The following EML6 variants were observed in gnomAD, a reference collection of about 807,000 sequenced individuals.
EML6 encodes the protein EMAP like 6.
EML6 carries 154 observed loss-of-function variants against 240.1 expected under a neutral mutation model. The ratio of observed to expected loss-of-function variants is 0.64; its 90% CI spans 0.56 to 0.73. The LOEUF (loss-of-function observed/expected upper bound fraction) is 0.73. Ranked by LOEUF, EML6 falls within the 30% of genes least tolerant of loss-of-function variation. EML6 has a pLI of 0.00. For synonymous variants in EML6, 1,148 were observed against 899.0 expected (o/e 1.28, Z -4.95); for missense variants, 2,964 against 2,474.6 (o/e 1.20, Z -4.20).
chr2:54,806,684 G>T (rs987394165), intron 2 of EML6, among the ~76,000 whole-genome samples: 1 of 148,256 alleles, frequency 6.7e-6, no homozygotes, highest in Non-Finnish European at 1.5e-5. Flanking sequence ...GTTTCATGTG[G>T]GTCTATCACA....
intron 28 of EML6, among the ~76,000 whole-genome samples, chr2:54,946,920 C>T: frequency 6.7e-6 from 1 of 149,490 alleles, no homozygotes. Flanking sequence ...TTCTGAAAAT[C>T]AAGGTGAAAA....
chr2:54,791,323 A>G (rs1669440393), intron 2 of EML6, among the ~76,000 whole-genome samples: 1 of 152,154 alleles, frequency 6.6e-6, no homozygotes, highest in Admixed American at 6.5e-5. Context: ...AAGATAATTT[A>G]TTGGGAAGGT....
intron 2 of EML6, among the ~76,000 whole-genome samples, chr2:54,806,305 T>G (rs1446141948): frequency 6.6e-6 from 1 of 152,070 alleles, no homozygotes; most frequent in Non-Finnish European, 1.5e-5. Context: ...GTACATGAGT[T>G]GCTCGGACTT....
intron 9 of EML6, among the ~76,000 whole-genome samples, chr2:54,849,474 A>G (rs761770958): frequency 1.3e-4 from 20 of 152,318 alleles, no homozygotes; most frequent in Admixed American, 6.5e-5. Context: ...TCATTTAAAC[A>G]GTTTGTTATT....
At chr2:54,934,885 C>G (rs1675056998) in intron 28 of EML6, among the ~76,000 whole-genome samples, 1 of 152,196 alleles carries the variant, frequency 6.6e-6, no homozygotes, top group Admixed American at 6.5e-5. Context: ...CAAACTGATA[C>G]TTGAATTCTC....
intron 2 of EML6, among the ~76,000 whole-genome samples, chr2:54,811,855 T>C (rs1036407548): frequency 9.9e-5 from 15 of 152,242 alleles, no homozygotes; most frequent in African/African-American, 3.6e-4. Flanking sequence ...AATGCTGAAG[T>C]GTTCTACAAC....
chr2:54,810,058 G>A (rs964345065), intron 2 of EML6, among the ~76,000 whole-genome samples: 5 of 152,202 alleles, frequency 3.3e-5, no homozygotes, highest in Non-Finnish European at 7.3e-5. Flanking sequence ...AAGCAATCAT[G>A]TTACATCAAG....
In EML6 at chr2:54,970,801, G is replaced by C. The variant is rs551493076; in HGVS notation, c.*706G>C. ...GGCTGCAGGACCCTTAGCAGATTCA[G>C]TGTGTCACCCTTGTCCTGTGTTCAC... On this transcript the variant is annotated 3_prime_UTR_variant, in exon 42 of 42. Coordinates refer to ENST00000356458, the MANE Select transcript of EML6 (RefSeq NM_001039753.4). 2 of 152,412 alleles carry C rather than the reference G, an allele frequency of 1.3e-5. No homozygotes were observed. The highest frequency in any genetic ancestry group is 1.9e-4 in the East Asian group (1 of 5,190). The allele number at this position is 152,412 out of a possible 1,614,324, so 9.4% of individuals were successfully genotyped here. A position where few individuals can be genotyped will look rare whatever the true frequency, so the allele number is the denominator to read the frequency against.
At chr2:54,872,946 C>T (rs1573042340) in intron 16 of EML6, among the ~76,000 whole-genome samples, 2 of 152,196 alleles carry the variant, frequency 1.3e-5, no homozygotes, top group Non-Finnish European at 2.9e-5. Flanking sequence ...TTACTTGTGT[C>T]AGCGTCTCCC....
At chr2:54,962,745 C>T (rs767776950) in intron 36 of EML6, 34 bp downstream of exon 36, 31 of 1,432,792 alleles carry the variant, frequency 2.2e-5, no homozygotes, top group East Asian at 2.7e-5. Context: ...CAGATGCCCA[C>T]GAGTGGGCTG....
intron 28 of EML6, among the ~76,000 whole-genome samples, chr2:54,947,834 T>G (rs1675765358): frequency 6.6e-6 from 1 of 152,212 alleles, no homozygotes; most frequent in South Asian, 2.1e-4. Flanking sequence ...TGTAGACTGG[T>G]GCACTCTTTC....
chr2:54,732,687 G>C (rs1683227245), intron 2 of EML6, among the ~76,000 whole-genome samples: 2 of 152,208 alleles, frequency 1.3e-5, no homozygotes, highest in African/African-American at 4.8e-5. Context: ...GGTTAACCTA[G>C]AAGAAATAGA....
At chr2:54,907,750 A>G (rs1029039164) in intron 24 of EML6, among the ~76,000 whole-genome samples, 4 of 152,192 alleles carry the variant, frequency 2.6e-5, no homozygotes, top group East Asian at 1.9e-4. Flanking sequence ...GTGTGAGCAG[A>G]TATTTCCAGT....
chr2:54,816,825 C>G lies in EML6; in HGVS notation c.396C>G (p.Val132=). 1.3e-6 allele frequency: 2 copies of G among 1,551,556 alleles called. No homozygotes were observed. Among genetic ancestry groups the G allele is most frequent in the Non-Finnish European group, 1.7e-6 (2 of 1,146,872 alleles). ...ASVGLDAKNT[V]CIWDWRKGKL... ...TGGGGTTGGATGCCAAAAACACAGT[C>G]TGCATTTGGGACTGGAGGAAGGGAA... Residue 132 remains valine (V), a synonymous_variant, in exon 4 of 42, where the codon GTC becomes GTG. Coordinates refer to ENST00000356458, the MANE Select transcript of EML6 (RefSeq NM_001039753.4).
At chr2:54,857,088 C>T (rs919150268) in intron 11 of EML6, among the ~76,000 whole-genome samples, 9 of 152,106 alleles carry the variant, frequency 5.9e-5, no homozygotes, top group Admixed American at 2.0e-4. Flanking sequence ...GCAGCATTTA[C>T]AGAGCTGGGA....
intron 2 of EML6, chr2:54,747,114 G>C (rs1028013672): frequency 2.0e-5 from 3 of 152,194 alleles, no homozygotes; most frequent in African/African-American, 7.2e-5. Flanking sequence ...GATTTTAAAA[G>C]TGATTTTATT....
At chr2:54,768,478 A>C (rs1489944779) in intron 2 of EML6, among the ~76,000 whole-genome samples, 1 of 152,266 alleles carries the variant, frequency 6.6e-6, no homozygotes, top group African/African-American at 2.4e-5. Flanking sequence ...GGCAGGCAAC[A>C]CAGTGACAAG....
At position 54,724,004 on chromosome 2, in the gene EML6, G is replaced by A. The variant is rs1245376776; in HGVS notation, c.-514+227G>A. Among the ~76,000 whole-genome samples, 2 of 152,238 alleles carry A rather than the reference G, an allele frequency of 1.3e-5. No homozygotes were observed. Among genetic ancestry groups the A allele is most frequent in the Non-Finnish European group, 2.9e-5 (2 of 68,032 alleles). ...ACGCTGGGCTCAGGGCAGGACCCGG[G>A]ATTCCGTGGGACCCGGTGTTTAGCG... On this transcript the variant is annotated intron_variant, in intron 1 of 41. Transcript: ENST00000356458. The surrounding 1 kb of genome is among the most constrained non-coding windows in gnomAD (Gnocchi z 5.2).
chr2:54,803,032 T>A (rs552866531), intron 2 of EML6, among the ~76,000 whole-genome samples: 229 of 152,228 alleles, frequency 1.5e-3, no homozygotes, highest in Middle Eastern at 0.014. Context: ...TCCTGCCCAC[T>A]TACTCCTCCA....
Sources: gnomAD v4.1 joint callset for allele counts (sites outside exome capture counted in the v4.1 genomes callset) on GRCh38, gnomAD v4.1.1 for gene constraint, Gnocchi (gnomAD v3.1) non-coding constraint, MANE v1.5 for transcripts, NCBI Gene and HGNC (gene_info 2026-07-23, HGNC 2026-07-21) for gene names.